Variants in STXBP4 observed in about 807,000 individuals in gnomAD.
The protein encoded by STXBP4 is syntaxin binding protein 4, also known as syntaxin-binding protein 4.
Under a neutral mutation model 76.1 loss-of-function variants are expected in STXBP4, and 55 were observed. The ratio of observed to expected loss-of-function variants is 0.72; its 90% confidence interval spans 0.58 to 0.91. The LOEUF (loss-of-function observed/expected upper bound fraction) is 0.91. Ranked by LOEUF, STXBP4 falls within the 40% of genes least tolerant of loss-of-function variation. The pLI is 0.00. For synonymous variants in STXBP4, 201 were observed against 220.2 expected (o/e 0.91, Z 0.77); for missense variants, 618 against 636.9 (o/e 0.97, Z 0.32).
intron 8 of STXBP4, among the ~76,000 whole-genome samples, chr17:55,028,233 T>G (rs968222196): frequency 2.6e-5 from 4 of 152,132 alleles, no homozygotes; most frequent in African/African-American, 9.7e-5. Flanking sequence ...CACTAGCACT[T>G]TGTAGCATTG....
At chr17:55,147,249 G>A (rs1312078805) in intron 17 of STXBP4, among the ~76,000 whole-genome samples, 1 of 152,204 alleles carries the variant, frequency 6.6e-6, no homozygotes, top group African/African-American at 2.4e-5. Flanking sequence ...GACGGTTTCA[G>A]GATGAAACTG....
chr17:55,095,020 AGC>A (rs2079466290), intron 16 of STXBP4, among the ~76,000 whole-genome samples: 2 of 152,250 alleles, frequency 1.3e-5, no homozygotes, highest in Non-Finnish European at 2.9e-5. Flanking sequence ...ATGAAGGCAC[AGC>A]TAGACAAGCA....
At chr17:55,120,756 T>C (rs972232344) in intron 16 of STXBP4, among the ~76,000 whole-genome samples, 2 of 152,144 alleles carry the variant, frequency 1.3e-5, no homozygotes, top group Non-Finnish European at 2.9e-5. Flanking sequence ...ATCCAGCCCT[T>C]GCTGTGTTCA....
chr17:55,028,373 G>A (rs1037901048), intron 8 of STXBP4, among the ~76,000 whole-genome samples: 18 of 152,016 alleles, frequency 1.2e-4, no homozygotes, highest in African/African-American at 4.3e-4. Flanking sequence ...AAAATGTACA[G>A]AATAGAAAGG....
chr17:55,031,975 T>C (rs1054336680), intron 9 of STXBP4, among the ~76,000 whole-genome samples: 1 of 152,218 alleles, frequency 6.6e-6, no homozygotes, highest in African/African-American at 2.4e-5. Context: ...ATTGTGAATT[T>C]TGATAGTTTC....
chr17:55,105,625 A>G (rs2079624917), intron 16 of STXBP4, among the ~76,000 whole-genome samples: 1 of 148,460 alleles, frequency 6.7e-6, no homozygotes, highest in South Asian at 2.1e-4. Flanking sequence ...ACCCGCCACC[A>G]CACCCAGCTA....
intron 8 of STXBP4, among the ~76,000 whole-genome samples, chr17:55,028,536 T>A (rs1323180461): frequency 6.6e-6 from 1 of 152,168 alleles, no homozygotes; most frequent in Non-Finnish European, 1.5e-5. Flanking sequence ...GAGCAGTGGT[T>A]CTCAAGGGCA....
intron 16 of STXBP4, among the ~76,000 whole-genome samples, chr17:55,093,244 C>T (rs916233559): frequency 1.3e-5 from 2 of 152,114 alleles, no homozygotes; most frequent in African/African-American, 4.8e-5. Flanking sequence ...CCCCCCTCGG[C>T]CTCCCAAAGT....
chr17:55,072,806 A>T, intron 12 of STXBP4, 94 bp from the exon 13 acceptor site: 1 of 1,056,406 alleles, frequency 9.5e-7, no homozygotes, highest in East Asian at 2.7e-5. Context: ...GACTTTTTGG[A>T]ATTATAACTT....
chr17:55,165,766 G>C lies in STXBP4; in HGVS notation c.*5855G>C, dbSNP rs1289937793. The stretch of plus-strand genomic sequence containing the variant: ...TTAGGTCATGAGGCTCCATCCTGGT[G>C]AATGGGATTAGGACCCTTATGAAAG... On this transcript the variant is annotated 3_prime_UTR_variant, in exon 18 of 18. Transcript: ENST00000376352. 1 of 152,192 alleles carries C rather than the reference G, an allele frequency of 6.6e-6. No individual in the cohort carries two copies. Among genetic ancestry groups the C allele is most frequent in the African/African-American group, 2.4e-5 (1 of 41,424 alleles). The allele number at this position is 152,192 out of a possible 1,614,324, so 9.4% of individuals were successfully genotyped here.
intron 8 of STXBP4, among the ~76,000 whole-genome samples, chr17:55,016,314 C>T (rs2078207225): frequency 6.6e-6 from 1 of 152,164 alleles, no homozygotes. Context: ...GGATTCTAGT[C>T]CTTTACCAGT....
chr17:55,159,683 T>A (rs1336125697), intron 17 of STXBP4, 114 bp from the exon 18 acceptor site: 5 of 609,198 alleles, frequency 8.2e-6, no homozygotes, highest in African/African-American at 1.9e-5. Context: ...TTCTAACTGC[T>A]TCCTATCACA....
rs2145210313 is a variant in STXBP4, at chr17:55,167,996, T to C, written c.*8085T>C. On this transcript the variant is annotated 3_prime_UTR_variant, in exon 18 of 18. Transcript: ENST00000376352. ...GATGTTTATGAGCAGATTCTATTTC[T>C]TTAGGCAGTTTTATCATTCAGAGAA... 6.6e-6 allele frequency: 1 copy of C among 152,242 alleles called. No homozygotes were observed. Among genetic ancestry groups the C allele is most frequent in the African/African-American group, 2.4e-5 (1 of 41,566 alleles). The allele number at this position is 152,242 out of a possible 1,614,324, so 9.4% of individuals were successfully genotyped here.
intron 7 of STXBP4, among the ~76,000 whole-genome samples, chr17:55,002,181 A>T (rs950513826): frequency 2.0e-5 from 3 of 152,222 alleles, no homozygotes; most frequent in African/African-American, 7.2e-5. Flanking sequence ...TGAAACAGTC[A>T]TGAGATGAGC....
chr17:55,064,544 G>C (rs2079026578), intron 12 of STXBP4, among the ~76,000 whole-genome samples: 1 of 152,074 alleles, frequency 6.6e-6, no homozygotes, highest in Non-Finnish European at 1.5e-5. Context: ...GCCCAGACTG[G>C]AGTGCAGTGG....
intron 10 of STXBP4, among the ~76,000 whole-genome samples, chr17:55,038,806 A>G (rs2078647498): frequency 6.6e-6 from 1 of 152,062 alleles, no homozygotes; most frequent in Admixed American, 6.6e-5. Context: ...AGAACACTAA[A>G]TTCCCTAAAA....
At chr17:55,081,741 G>A (rs928788975) in intron 16 of STXBP4, among the ~76,000 whole-genome samples, 3 of 152,068 alleles carry the variant, frequency 2.0e-5, no homozygotes, top group Non-Finnish European at 2.9e-5. Context: ...TGCTGGCTCA[G>A]GCATATCCTC....
intron 16 of STXBP4, among the ~76,000 whole-genome samples, chr17:55,136,961 G>T (rs1311221160): frequency 6.6e-6 from 1 of 152,028 alleles, no homozygotes; most frequent in Non-Finnish European, 1.5e-5. Context: ...TAATAACAAT[G>T]GTCTCCTTTC....
intron 16 of STXBP4, among the ~76,000 whole-genome samples, chr17:55,131,125 A>G (rs2079969368): frequency 1.3e-5 from 2 of 152,250 alleles, no homozygotes; most frequent in South Asian, 4.1e-4. Flanking sequence ...ACTAATTTAC[A>G]TTCCCACCAA....
Sources: allele counts gnomAD v4.1 joint callset (sites outside exome capture counted in the v4.1 genomes callset), GRCh38; gene constraint gnomAD v4.1.1; transcripts MANE v1.5; gene names NCBI Gene and HGNC (gene_info 2026-07-23, HGNC 2026-07-21).